The following NOVA1 variants were observed in gnomAD, a reference collection of about 807,000 sequenced individuals.
The protein encoded by NOVA1 is NOVA alternative splicing regulator 1.
A neutral mutation model predicts 38.0 loss-of-function variants in NOVA1; 7 were observed. The observed-to-expected ratio is 0.18, with a 90% CI of 0.10 to 0.35. The LOEUF (loss-of-function observed/expected upper bound fraction) is 0.35. NOVA1 is among the 10% of genes least tolerant of loss of function. The pLI, the probability that NOVA1 is intolerant of heterozygous loss-of-function variation, is 1.00. For synonymous variants in NOVA1, 270 were observed against 232.5 expected (o/e 1.16, Z -1.47); for missense variants, 460 against 616.0 (o/e 0.75, Z 2.68).
In NOVA1 at chr14:26,465,848, T is replaced by C. The variant is rs568734183; in HGVS notation, c.519+6472A>G. On this transcript the variant is annotated intron_variant, in intron 4 of 4. Transcript: ENST00000539517. ...AAAACAGAAAAAAACCCTATCCTCA[T>C]GCAATTTACTTTACTCAGAGAGTAA... is the stretch of plus-strand genomic sequence containing the variant. Among the ~76,000 whole-genome samples the C allele has an allele frequency of 2.0e-5, 3 of 152,240 alleles. No individual in the cohort carries two copies. In the South Asian group the frequency reaches 6.2e-4, roughly 32 times the overall value.
In NOVA1 at chr14:26,531,890, C is replaced by T. The variant is rs1367187995; in HGVS notation, c.281-51747G>A. ...CTAACTGATTAGTAGAAAAACAATC[C>T]AATAGAGACAACCAAAGGTTTGAAG... is the stretch of plus-strand genomic sequence containing the variant. On this transcript the variant is annotated intron_variant, in intron 2 of 4. Transcript: ENST00000539517. Among the ~76,000 whole-genome samples, 5 of 151,884 alleles carry T rather than the reference C, an allele frequency of 3.3e-5. No homozygotes were observed. The East Asian group carries it at 9.6e-4, about 29-fold the overall frequency.
chr14:26,452,575 T>G (rs1370410510), intron 4 of NOVA1, among the ~76,000 whole-genome samples: 1 of 152,348 alleles, frequency 6.6e-6, no homozygotes, highest in East Asian at 1.9e-4. Flanking sequence ...TAGCAAATTC[T>G]AACTGTATAC....
intron 2 of NOVA1, among the ~76,000 whole-genome samples, chr14:26,536,205 G>T (rs920638275): frequency 8.6e-5 from 13 of 151,814 alleles, no homozygotes; most frequent in African/African-American, 2.2e-4. Context: ...GTTACCAGAG[G>T]CTCGGAAGGG....
intron 2 of NOVA1, among the ~76,000 whole-genome samples, chr14:26,529,060 C>T (rs1445413431): frequency 6.6e-6 from 1 of 151,890 alleles, no homozygotes; most frequent in Non-Finnish European, 1.5e-5. Context: ...GATCACCCTA[C>T]TAGGAGGCAT....
chr14:26,597,727 A>G lies in NOVA1; in HGVS notation c.-291T>C. 1 of 1,036,988 alleles carries G rather than the reference A, an allele frequency of 9.6e-7. No individual in the cohort carries two copies. The highest frequency in any genetic ancestry group is 1.2e-6 in the Non-Finnish European group (1 of 862,744). The allele number at this position is 1,036,988 out of a possible 1,614,324, so 64.2% of individuals were successfully genotyped here. A position where few individuals can be genotyped will look rare whatever the true frequency, so the allele number is the denominator to read the frequency against. The stretch of plus-strand genomic sequence containing the variant: ...GGGTGAAAGAAGAAGAAGAAAGGAG[A>G]CAGGGGGAGAGAGTGGAGAAGGGAG... On this transcript the variant is annotated 5_prime_UTR_variant, in exon 1 of 5. Transcript: ENST00000539517.
intron 2 of NOVA1, among the ~76,000 whole-genome samples, chr14:26,484,350 G>A (rs1264464628): frequency 3.1e-5 from 4 of 130,374 alleles, no homozygotes; most frequent in Non-Finnish European, 6.2e-5. Context: ...GCAGGAGAAT[G>A]ACGCGAACCC....
intron 2 of NOVA1, among the ~76,000 whole-genome samples, chr14:26,558,251 TAATAAG>T (rs1891614381): frequency 6.6e-6 from 1 of 152,156 alleles, no homozygotes; most frequent in African/African-American, 2.4e-5. Flanking sequence ...AGACTTCAGT[TAATAAG>T]AATATCTCCA....
At chr14:26,467,690 A>T (rs543757582) in intron 4 of NOVA1, among the ~76,000 whole-genome samples, 1 of 152,204 alleles carries the variant, frequency 6.6e-6, no homozygotes, top group Non-Finnish European at 1.5e-5. Flanking sequence ...AGTTTAATGG[A>T]CAACTGAAAT....
chr14:26,587,170 GT>G (rs567163833), intron 2 of NOVA1, among the ~76,000 whole-genome samples: 87 of 150,838 alleles, frequency 5.8e-4, no homozygotes, highest in Non-Finnish European at 9.7e-4. Context: ...TTAAATGAAA[GT>G]TTTAGAAGAG....
intron 2 of NOVA1, among the ~76,000 whole-genome samples, chr14:26,537,898 T>C (rs781652296): frequency 4.6e-5 from 7 of 152,182 alleles, no homozygotes; most frequent in Admixed American, 2.0e-4. Flanking sequence ...TCTATGGATA[T>C]GACATTTGAA....
intron 2 of NOVA1, among the ~76,000 whole-genome samples, chr14:26,503,800 T>A (rs562068657): frequency 6.6e-6 from 1 of 152,180 alleles, no homozygotes; most frequent in African/African-American, 2.4e-5. Context: ...ATTAAATTTA[T>A]AACGTAGCCC....
At chr14:26,499,544 C>A (rs1415824014) in intron 2 of NOVA1, among the ~76,000 whole-genome samples, 2 of 152,090 alleles carry the variant, frequency 1.3e-5, no homozygotes, top group African/African-American at 4.8e-5. Context: ...TATAGAAACT[C>A]TATGGGTAAC....
Position 26,443,334 on chromosome 14 carries a change from TA to T in NOVA1, c.*4624del, listed in dbSNP as rs1218717858. ...CACATACACGTTAAATATTTTTCCT[TA>T]AAAAAATAATCTAATCAAAATATTG... is the stretch of plus-strand genomic sequence containing the variant. On this transcript the variant is annotated 3_prime_UTR_variant, in exon 5 of 5. Coordinates refer to ENST00000539517, the MANE Select transcript of NOVA1 (RefSeq NM_002515.3). The T allele has an allele frequency of 1.3e-4, 19 of 151,906 alleles. No individual in the cohort carries two copies. The highest frequency in any genetic ancestry group is 7.4e-5 in the Non-Finnish European group (5 of 67,872). The allele number at this position is 151,906 out of a possible 1,614,324, so 9.4% of individuals were successfully genotyped here. A position where few individuals can be genotyped will look rare whatever the true frequency, so the allele number is the denominator to read the frequency against.
chr14:26,452,357 A>T (rs1882767872), intron 4 of NOVA1, among the ~76,000 whole-genome samples: 1 of 152,196 alleles, frequency 6.6e-6, no homozygotes, highest in Non-Finnish European at 1.5e-5. Context: ...TTACATTTTA[A>T]GTGTCGGGCC....
chr14:26,461,290 C>T (rs1284137126), intron 4 of NOVA1, among the ~76,000 whole-genome samples: 14 of 152,116 alleles, frequency 9.2e-5, no homozygotes, highest in Admixed American at 9.2e-4. Context: ...ATCTTAAAGT[C>T]TTAGGCGTTT....
chr14:26,547,396 T>C (rs984656912), intron 2 of NOVA1, among the ~76,000 whole-genome samples: 5 of 152,158 alleles, frequency 3.3e-5, no homozygotes, highest in African/African-American at 1.2e-4. Context: ...TATATTTTCA[T>C]TAAATTCAAT....
In NOVA1 at chr14:26,595,470, G is replaced by C. The variant is rs747018782; in HGVS notation, c.220C>G (p.Gln74Glu). Reference sequence around the variant, plus strand: ...GTGGCTCCAGTTTCTTTTTGCAACTGAACAATTGTCTGTCCTCCCTTCCCA... The same window carrying C: ...GTGGCTCCAGTTTCTTTTTGCAACTCAACAATTGTCTGTCCTCCCTTCCCA... ...IIGKGGQTIV[Q>E]LQKETGATIK... Residue 74 changes from glutamine (Q) to glutamate (E), a missense_variant, in exon 2 of 5, where the codon CAG (glutamine) becomes GAG (glutamate). Transcript: ENST00000539517. The C allele has an allele frequency of 3.1e-6, 5 of 1,613,732 alleles. No homozygotes were observed. The highest frequency in any genetic ancestry group is 3.4e-6 in the Non-Finnish European group (4 of 1,179,870).
intron 2 of NOVA1, among the ~76,000 whole-genome samples, chr14:26,524,513 C>T (rs75245481): frequency 0.015 from 2,205 of 151,770 alleles, 21 homozygotes; most frequent in Non-Finnish European, 0.021. Flanking sequence ...TTAAAATGTC[C>T]GCATATTTTA....
In NOVA1 at chr14:26,597,523, T is replaced by TA; in HGVS notation, c.-88_-87insT. On this transcript the variant is annotated 5_prime_UTR_variant, in exon 1 of 5. Transcript: ENST00000539517. The stretch of plus-strand genomic sequence containing the variant: ...TTCTTTTTTCTTTTTTTTTTTTTTT[T>TA]TTTTTTGCGTTTGGGGTTTCTTAAG... 1 of 1,156,184 alleles carries TA rather than the reference T, an allele frequency of 8.6e-7. No individual in the cohort carries two copies. Among genetic ancestry groups the TA allele is most frequent in the Non-Finnish European group, 1.1e-6 (1 of 933,666 alleles). 71.6% of individuals were successfully genotyped at this position (1,156,184 alleles called of 1,614,324 possible).
Sources: allele counts gnomAD v4.1 joint callset (sites outside exome capture counted in the v4.1 genomes callset), GRCh38; gene constraint gnomAD v4.1.1; transcripts MANE v1.5; gene names NCBI Gene and HGNC (gene_info 2026-07-23, HGNC 2026-07-21).